PAGE2B: variants seen among roughly 807,000 people sequenced by gnomAD.
PAGE2B encodes PAGE family member 2B.
In PAGE2B, 5 loss-of-function variants were observed where a neutral mutation model predicts 7.6. The observed-to-expected ratio is 0.66, with a 90% CI of 0.34 to 1.38. The LOEUF (loss-of-function observed/expected upper bound fraction) is 1.38, where lower values mean the gene tolerates loss of function less well. PAGE2B is among the 40% of genes most tolerant of loss of function. PAGE2B has a pLI of 0.04. For synonymous variants in PAGE2B, 29 were observed against 26.7 expected (o/e 1.09, Z -0.27); for missense variants, 70 against 78.4 (o/e 0.89, Z 0.41).
At chrX:55,055,018 G>T in the PAGE2B span, 7 of 110,222 alleles carry the variant, frequency 6.4e-5, no homozygotes, top group Non-Finnish European at 1.3e-4. Context: ...TAAAAACTGG[G>T]GTTCTGTCGA....
At chrX:55,033,011 T>G in the PAGE2B span, among the ~76,000 whole-genome samples, 1 of 111,247 alleles carries the variant, frequency 9.0e-6, no homozygotes, top group Non-Finnish European at 1.9e-5. Context: ...TTGTTCCCTC[T>G]TCTGGGCCCC....
the PAGE2B span, among the ~76,000 whole-genome samples, chrX:55,066,899 G>A: frequency 3.6e-5 from 4 of 110,588 alleles, no homozygotes; most frequent in Non-Finnish European, 5.7e-5. Context: ...TCTTTGCCTC[G>A]TCTTTAAGGT....
At chrX:55,048,065 G>A in the PAGE2B span, among the ~76,000 whole-genome samples, 1 of 111,756 alleles carries the variant, frequency 8.9e-6, no homozygotes, top group Non-Finnish European at 1.9e-5. Flanking sequence ...CCATTTATTA[G>A]ATAGGGAATC....
At chrX:55,044,236 G>A in the PAGE2B span, among the ~76,000 whole-genome samples, 6 of 110,892 alleles carry the variant, frequency 5.4e-5, no homozygotes, top group African/African-American at 9.8e-5. Context: ...AATGCTCACC[G>A]TCCAATGAGT....
chrX:55,040,216 A>G, the PAGE2B span, among the ~76,000 whole-genome samples: 1 of 110,324 alleles, frequency 9.1e-6, no homozygotes, highest in African/African-American at 3.3e-5. Flanking sequence ...ATATGTATAC[A>G]TGTGCCATGT....
At chrX:55,037,308 T>C in the PAGE2B span, among the ~76,000 whole-genome samples, 4 of 112,027 alleles carry the variant, frequency 3.6e-5, no homozygotes, top group Middle Eastern at 4.6e-3. Flanking sequence ...AAAATGCTCA[T>C]CATCACTGGC....
chrX:55,051,079 G>A, the PAGE2B span, among the ~76,000 whole-genome samples: 4 of 111,047 alleles, frequency 3.6e-5, no homozygotes, highest in African/African-American at 9.8e-5. Context: ...GCTTAGTTTG[G>A]CTGGATATGA....
At chrX:55,069,621 C>T in the PAGE2B span, among the ~76,000 whole-genome samples, 1 of 111,255 alleles carries the variant, frequency 9.0e-6, no homozygotes, top group African/African-American at 3.3e-5. Context: ...AGGAATGGTA[C>T]CAGCTCCTCT....
chrX:55,051,586 T>TC, the PAGE2B span, among the ~76,000 whole-genome samples: 3 of 112,226 alleles, frequency 2.7e-5, no homozygotes, highest in Non-Finnish European at 5.6e-5. Context: ...TACCCTTTCT[T>TC]CCAGGTGATT....
chrX:55,037,621 T>A, the PAGE2B span, among the ~76,000 whole-genome samples: 12 of 110,970 alleles, frequency 1.1e-4, no homozygotes, highest in Non-Finnish European at 2.3e-4. Context: ...ATTGCGGCAC[T>A]ATTCACAATA....
At chrX:55,041,857 T>C in the PAGE2B span, among the ~76,000 whole-genome samples, 1 of 111,628 alleles carries the variant, frequency 9.0e-6, no homozygotes, top group Non-Finnish European at 1.9e-5. Flanking sequence ...CAGGTGCAGC[T>C]GAAGGAGCTC....
Position 55,076,110 on chromosome X carries a change from A to G in PAGE2B, c.69A>G (p.Pro23=), listed in dbSNP as rs149801397. 1.1e-4 allele frequency: 131 copies of G among 1,205,523 alleles called. No homozygotes were observed. Among genetic ancestry groups the G allele is most frequent in the Non-Finnish European group, 1.3e-4 (120 of 892,025 alleles). Residue 23 remains proline, a synonymous_variant, in exon 2 of 5, where the codon CCA becomes CCG. Coordinates refer to ENST00000374971, the MANE Select transcript of PAGE2B (RefSeq NM_001015038.3). The part of the protein sequence containing the change: ...ERGNDQESSQ[P]VGSVIVQEPT... ...GAAATGACCAAGAGTCTTCCCAGCC[A>G]GTTGGATCTGTGATTGTGAGTCCTT...
the PAGE2B span, among the ~76,000 whole-genome samples, chrX:55,047,617 G>C: frequency 9.0e-6 from 1 of 111,727 alleles, no homozygotes; most frequent in South Asian, 3.8e-4. Context: ...ATTCTAACTG[G>C]TGTGAGATGG....
chrX:55,069,674 G>C, the PAGE2B span, among the ~76,000 whole-genome samples: 1 of 111,294 alleles, frequency 9.0e-6, no homozygotes, highest in Non-Finnish European at 1.9e-5. Context: ...ATCTGGTCCT[G>C]GACTTTTTTG....
At chrX:55,052,416 A>T in the PAGE2B span, among the ~76,000 whole-genome samples, 15 of 112,652 alleles carry the variant, frequency 1.3e-4, no homozygotes, top group African/African-American at 4.8e-4. Context: ...GGTGGAGCCT[A>T]CAGAGGCAGG....
the PAGE2B span, among the ~76,000 whole-genome samples, chrX:55,039,126 A>T: frequency 8.9e-6 from 1 of 111,744 alleles, no homozygotes; most frequent in Non-Finnish European, 1.9e-5. Context: ...TTCAGTAGCC[A>T]TGAGATAAAA....
At chrX:55,040,190 C>T in the PAGE2B span, among the ~76,000 whole-genome samples, 4 of 109,322 alleles carry the variant, frequency 3.7e-5, no homozygotes, top group African/African-American at 6.7e-5. Context: ...ATGTGCACAA[C>T]GTGCAACTTT....
the PAGE2B span, among the ~76,000 whole-genome samples, chrX:55,036,970 C>T: frequency 2.7e-5 from 3 of 110,477 alleles, no homozygotes; most frequent in South Asian, 7.7e-4. Context: ...CTAGGCAATA[C>T]CATTCAGGAC....
the PAGE2B span, among the ~76,000 whole-genome samples, chrX:55,040,140 C>CT: frequency 2.8e-5 from 3 of 108,406 alleles, no homozygotes; most frequent in East Asian, 2.9e-4. Context: ...CTACTTCTCT[C>CT]TTTTTTTTAA....
Sources: gnomAD v4.1 joint callset for allele counts (sites outside exome capture counted in the v4.1 genomes callset) on GRCh38, gnomAD v4.1.1 for gene constraint, MANE v1.5 for transcripts, NCBI Gene and HGNC (gene_info 2026-07-23, HGNC 2026-07-21) for gene names.